The following MTMR7 variants were observed in gnomAD, a reference collection of about 807,000 sequenced individuals.
MTMR7 encodes the protein phosphatidylinositol-3-phosphate phosphatase MTMR7.
Under a neutral mutation model 81.2 loss-of-function variants are expected in MTMR7, and 76 were observed. That is an observed-to-expected ratio of 0.94 (90% confidence interval 0.78 to 1.13). MTMR7 has a LOEUF of 1.13. Among genes scored for constraint, MTMR7 ranks in the 50% most tolerant of loss-of-function variants. The pLI is 0.00. For synonymous variants in MTMR7, 372 were observed against 289.8 expected, an observed-to-expected ratio of 1.28 and a Z score of -2.88; for missense variants, 1,044 against 820.0, an observed-to-expected ratio of 1.27 and a Z score of -3.34.
chr8:17,392,027 T>C (rs1585117465), intron 1 of MTMR7, among the ~76,000 whole-genome samples: 2 of 152,268 alleles, frequency 1.3e-5, no homozygotes, highest in South Asian at 2.1e-4. Context: ...AATGAGCTTC[T>C]TGGACTCCCT....
intron 7 of MTMR7, among the ~76,000 whole-genome samples, chr8:17,325,262 GT>G (rs1818623432): frequency 6.6e-6 from 1 of 152,104 alleles, no homozygotes; most frequent in Non-Finnish European, 1.5e-5. Flanking sequence ...CATCCAACAT[GT>G]GACCGTCATA....
intron 1 of MTMR7, among the ~76,000 whole-genome samples, chr8:17,411,759 T>A (rs1328354088): frequency 6.6e-6 from 1 of 152,222 alleles, no homozygotes; most frequent in Non-Finnish European, 1.5e-5. Context: ...GGTTCACACG[T>A]GACTTTGTAC....
intron 1 of MTMR7, among the ~76,000 whole-genome samples, chr8:17,394,913 A>T (rs763826331): frequency 6.6e-6 from 1 of 152,128 alleles, no homozygotes; most frequent in Middle Eastern, 3.4e-3. Context: ...TATTTTTTTT[A>T]AATGTCACAA....
chr8:17,310,614 C>G (rs1483546220), intron 9 of MTMR7, among the ~76,000 whole-genome samples: 3 of 152,180 alleles, frequency 2.0e-5, no homozygotes, highest in African/African-American at 7.2e-5. Flanking sequence ...GCAAGGGTAT[C>G]ACTTTGAGGT....
At chr8:17,315,899 G>C (rs1195544984) in intron 7 of MTMR7, among the ~76,000 whole-genome samples, 1 of 152,168 alleles carries the variant, frequency 6.6e-6, no homozygotes, top group African/African-American at 2.4e-5. Flanking sequence ...TACTGTCCCA[G>C]CTACTTGGGA....
Position 17,300,029 on chromosome 8 carries a change from T to A in MTMR7, c.1816A>T (p.Thr606Ser), listed in dbSNP as rs760356800. The A allele has an allele frequency of 6.2e-7, 1 of 1,614,108 alleles. No individual in the cohort carries two copies. Among genetic ancestry groups the A allele is most frequent in the Non-Finnish European group, 8.5e-7 (1 of 1,180,002 alleles). Residue 606 changes from threonine (T) to serine (S), a missense_variant, in exon 14 of 14, where the codon ACC (threonine) becomes TCC (serine). Physicochemically the swap from Thr to Ser is moderately conservative, Grantham distance 58. Coordinates refer to ENST00000180173, the MANE Select transcript of MTMR7 (RefSeq NM_004686.5). ...TCTGAACTTTTCAGATTGTCTTGGG[T>A]TAGAATCAGAGCAGAATCTTCATCG... The part of the protein sequence containing the change: ...QGDEDSALIL[T>S]QDNLKSSDPD...
chr8:17,305,298 T>A (rs546383198), intron 11 of MTMR7, among the ~76,000 whole-genome samples: 20 of 152,344 alleles, frequency 1.3e-4, no homozygotes, highest in Admixed American at 2.6e-4. Flanking sequence ...TTTTTTACTG[T>A]CACTTATTTT....
At chr8:17,338,478 C>T (rs1819314683) in intron 6 of MTMR7, among the ~76,000 whole-genome samples, 3 of 152,202 alleles carry the variant, frequency 2.0e-5, no homozygotes. Context: ...CCCGTCTTTT[C>T]TCTTCCTTTT....
At chr8:17,413,221 T>G in intron 1 of MTMR7, 48 bp downstream of exon 1, 5 of 1,529,922 alleles carry the variant, frequency 3.3e-6, no homozygotes, top group Non-Finnish European at 4.4e-6. Flanking sequence ...CTCCTCCTCC[T>G]CCCCCATCTC....
chr8:17,392,324 T>TAATA (rs758495302), intron 1 of MTMR7, among the ~76,000 whole-genome samples: 1 of 152,158 alleles, frequency 6.6e-6, no homozygotes, highest in African/African-American at 2.4e-5. Flanking sequence ...CAAAATTTAC[T>TAATA]AATAAATAAA....
intron 1 of MTMR7, among the ~76,000 whole-genome samples, chr8:17,404,337 G>C (rs6988585): frequency 0.086 from 13,126 of 152,128 alleles, 620 homozygotes; most frequent in Middle Eastern, 0.15. Flanking sequence ...AGATTGGAAA[G>C]AGTACAAGAG....
chr8:17,411,470 C>T lies in MTMR7; in HGVS notation c.24+1799G>A, dbSNP rs188563151. Among the ~76,000 whole-genome samples, 108 of 152,304 alleles carry T rather than the reference C, an allele frequency of 7.1e-4. 4 individuals carry two copies. In the East Asian group the frequency reaches 0.017, roughly 24 times the overall value. On this transcript the variant is annotated intron_variant, in intron 1 of 13. Coordinates refer to ENST00000180173, the MANE Select transcript of MTMR7 (RefSeq NM_004686.5). ...TCCTGGACGCTTCCAGCACTTAACA[C>T]AGAGCCTGGCACATGAAAGGTTCTA... is the stretch of plus-strand genomic sequence containing the variant.
At chr8:17,369,502 A>G (rs1317381762) in intron 3 of MTMR7, among the ~76,000 whole-genome samples, 1 of 152,194 alleles carries the variant, frequency 6.6e-6, no homozygotes, top group East Asian at 1.9e-4. Context: ...ATCAAAAAGC[A>G]TTTGGCAAAG....
intron 10 of MTMR7, 56 bp downstream of exon 10, chr8:17,309,221 T>C: frequency 8.5e-7 from 1 of 1,180,030 alleles, no homozygotes; most frequent in Non-Finnish European, 1.2e-6. Context: ...CAATTGAAAT[T>C]TTCAGAAACA....
chr8:17,394,237 T>A (rs767795296), intron 1 of MTMR7, among the ~76,000 whole-genome samples: 1 of 152,138 alleles, frequency 6.6e-6, no homozygotes, highest in Admixed American at 6.5e-5. Flanking sequence ...CACAAAGAAA[T>A]TTATACATAA....
intron 7 of MTMR7, among the ~76,000 whole-genome samples, chr8:17,314,282 TTTTTA>T (rs1185631939): frequency 1.3e-5 from 2 of 152,182 alleles, no homozygotes; most frequent in African/African-American, 4.8e-5. Context: ...CATAGATTTC[TTTTTA>T]TTTTATTGTT....
chr8:17,374,812 CA>C (rs1383872774), intron 1 of MTMR7, among the ~76,000 whole-genome samples: 2 of 149,182 alleles, frequency 1.3e-5, no homozygotes, highest in African/African-American at 4.9e-5. Flanking sequence ...GACTCCATCT[CA>C]AAAAAAATAA....
intron 5 of MTMR7, among the ~76,000 whole-genome samples, chr8:17,344,848 G>T (rs1251165923): frequency 6.6e-6 from 1 of 152,066 alleles, no homozygotes; most frequent in Non-Finnish European, 1.5e-5. Flanking sequence ...GACCATGAAG[G>T]TCTGTATTTT....
In MTMR7 at chr8:17,299,128, G is replaced by T. The variant is rs1563307690; in HGVS notation, c.*734C>A. On this transcript the variant is annotated 3_prime_UTR_variant, in exon 14 of 14. Transcript: ENST00000180173. Reference sequence around the variant, plus strand: ...AGAAAGCTGATACTTAAATTCATATGTAAGACCAGGAGAATGAATGTTGCT... The same window carrying T: ...AGAAAGCTGATACTTAAATTCATATTTAAGACCAGGAGAATGAATGTTGCT... 1 of 152,186 alleles carries T rather than the reference G, an allele frequency of 6.6e-6. No individual in the cohort carries two copies. Among genetic ancestry groups the T allele is most frequent in the Non-Finnish European group, 1.5e-5 (1 of 68,026 alleles). 9.4% of individuals were successfully genotyped at this position (152,186 alleles called of 1,614,324 possible). A position where few individuals can be genotyped will look rare whatever the true frequency, so the allele number is the denominator to read the frequency against.
Sources: allele counts gnomAD v4.1 joint callset (sites outside exome capture counted in the v4.1 genomes callset), GRCh38; gene constraint gnomAD v4.1.1; transcripts MANE v1.5; gene names NCBI Gene and HGNC (gene_info 2026-07-23, HGNC 2026-07-21).